Variants in ZNF879 observed in about 807,000 individuals in gnomAD.
ZNF879 encodes zinc finger protein 879.
Under a neutral mutation model 44.3 loss-of-function variants are expected in ZNF879, and 32 were observed. The observed-to-expected ratio is 0.72, with a 90% CI of 0.54 to 0.97. The LOEUF is 0.97. ZNF879 is among the 50% of genes least tolerant of loss of function. The probability of loss-of-function intolerance (pLI) is 0.00; values close to 1 mark genes in which losing one functional copy is unlikely to be tolerated. For synonymous variants in ZNF879, 234 were observed against 233.2 expected (o/e 1.00, Z -0.03); for missense variants, 621 against 669.7 (o/e 0.93, Z 0.80).
rs762196416 is a variant in ZNF879, at chr5:179,032,818, C to T, written c.870C>T (p.Cys290=). The T allele has an allele frequency of 6.4e-7, 1 of 1,554,890 alleles. No individual in the cohort carries two copies. The highest frequency in any genetic ancestry group is 1.4e-5 in the African/African-American group (1 of 73,132). Residue 290 remains cysteine, a synonymous_variant, in exon 5 of 5, where the codon TGC becomes TGT. Transcript: ENST00000444149. ...RMHTGERPYK[C]KECGKTFKGS... is the part of the protein sequence containing the mutation. ...ATACTGGAGAGAGACCTTATAAATG[C>T]AAGGAATGTGGAAAAACATTTAAAG...
At chr5:179,029,047 G>A (rs1761351561) in intron 4 of ZNF879, among the ~76,000 whole-genome samples, 1 of 144,032 alleles carries the variant, frequency 6.9e-6, no homozygotes, top group African/African-American at 2.6e-5. Flanking sequence ...AAAATCAGTT[G>A]TTTTTTTCTC....
chr5:179,033,545 A>G lies in ZNF879; in HGVS notation c.1597A>G (p.Ile533Val), dbSNP rs1186547112. 2 of 1,553,896 alleles carry G rather than the reference A, an allele frequency of 1.3e-6. No individual in the cohort carries two copies. Among genetic ancestry groups the G allele is most frequent in the Non-Finnish European group, 8.7e-7 (1 of 1,148,420 alleles). Residue 533 changes from isoleucine to valine, a missense_variant, in exon 5 of 5, where the codon ATT becomes GTT. Physicochemically the swap from Ile to Val is conservative, Grantham distance 29. Transcript: ENST00000444149. ...TTCATCCCTTATGACACACATGAGA[A>G]TTCATACAGGGGAAAAACCTTATAA... ...QSSSLMTHMR[I>V]HTGEKPYKCK...
chr5:179,031,064 C>T (rs571064148), intron 4 of ZNF879, among the ~76,000 whole-genome samples: 1 of 152,196 alleles, frequency 6.6e-6, no homozygotes. Flanking sequence ...TCACCACATG[C>T]CAGTGTCAGC....
In ZNF879 at chr5:179,034,867, C is replaced by T. The variant is rs1043707093; in HGVS notation, c.*1227C>T. On this transcript the variant is annotated 3_prime_UTR_variant, in exon 5 of 5. Transcript: ENST00000444149. ...GGCAAGCACTTAAGGGCTGAAACGA[C>T]CCATTTCATAAAGTGCTAAGTTTTT... 5.3e-5 allele frequency: 8 copies of T among 152,058 alleles called. No homozygotes were observed. The highest frequency in any genetic ancestry group is 1.9e-4 in the African/African-American group (8 of 41,400). 9.4% of individuals were successfully genotyped at this position (152,058 alleles called of 1,614,324 possible).
rs73806508 is a variant in ZNF879, at chr5:179,029,100, G to T, written c.256+973G>T. 8.8e-3 allele frequency among the ~76,000 whole-genome samples: 588 copies of T among 67,112 alleles called. 5 individuals are homozygous for T. The highest frequency in any genetic ancestry group is 0.024 in the African/African-American group (302 of 12,772). The allele number at this position is 67,112 out of a possible 152,430, so 44.0% of individuals were successfully genotyped here. A position where few individuals can be genotyped will look rare whatever the true frequency, so the allele number is the denominator to read the frequency against. ...TTTTGGATCTAGAATTCTGGCATCT[G>T]TTTTTTTTTTTTTTTTTCCTCTCTG... On this transcript the variant is annotated intron_variant, in intron 4 of 4. Transcript: ENST00000444149.
intron 4 of ZNF879, among the ~76,000 whole-genome samples, chr5:179,028,897 G>A (rs142232952): frequency 6.4e-4 from 98 of 152,270 alleles, no homozygotes; most frequent in African/African-American, 2.1e-3. Context: ...TGGGCAGGGC[G>A]TGGGCTTTCT....
intron 4 of ZNF879, 106 bp downstream of exon 4, chr5:179,028,233 A>G: frequency 1.0e-6 from 1 of 971,066 alleles, no homozygotes; most frequent in African/African-American, 1.6e-5. Flanking sequence ...GCCAGGGGGA[A>G]ATGCTGGGAA....
intron 2 of ZNF879, 77 bp downstream of exon 2, chr5:179,025,114 T>G: frequency 2.0e-6 from 3 of 1,504,906 alleles, no homozygotes; most frequent in Non-Finnish European, 2.7e-6. Context: ...TTGTTGAGCT[T>G]CTCTACCCAG....
chr5:179,024,174 C>T (rs1761192719), intron 1 of ZNF879, among the ~76,000 whole-genome samples: 1 of 152,222 alleles, frequency 6.6e-6, no homozygotes, highest in Non-Finnish European at 1.5e-5. Flanking sequence ...CTGCAAAATG[C>T]CGCCTCGGTT....
chr5:179,024,367 T>C (rs2113039590), intron 1 of ZNF879: 1 of 152,478 alleles, frequency 6.6e-6, no homozygotes, highest in East Asian at 1.9e-4. Context: ...TTATTTACCG[T>C]AACCATGTCC....
intron 2 of ZNF879, among the ~76,000 whole-genome samples, chr5:179,026,445 T>C (rs1276951350): frequency 6.6e-6 from 1 of 152,222 alleles, no homozygotes; most frequent in East Asian, 1.9e-4. Flanking sequence ...CTTATTGATC[T>C]TTTAGAATTT....
At position 179,034,296 on chromosome 5, in the gene ZNF879, C is replaced by G. The variant is rs1581105244; in HGVS notation, c.*656C>G. The G allele has an allele frequency of 6.7e-6, 1 of 149,482 alleles. No homozygotes were observed. Among genetic ancestry groups the G allele is most frequent in the African/African-American group, 2.6e-5 (1 of 38,868 alleles). The allele number at this position is 149,482 out of a possible 1,614,324, so 9.3% of individuals were successfully genotyped here. A position where few individuals can be genotyped will look rare whatever the true frequency, so the allele number is the denominator to read the frequency against. ...AGTCAGATCTAAAGTCACTTTAAGT[C>G]ACAGAACGCATGGTATTTCACTTGT... On this transcript the variant is annotated 3_prime_UTR_variant, in exon 5 of 5. Transcript: ENST00000444149.
In ZNF879 at chr5:179,033,538, C is replaced by T. The variant is rs1234302317; in HGVS notation, c.1590C>T (p.His530=). Residue 530 remains histidine, a synonymous_variant, in exon 5 of 5, where the codon CAC becomes CAT. Transcript: ENST00000444149. Reference sequence around the variant, plus strand: ...GACAGAGTTCATCCCTTATGACACACATGAGAATTCATACAGGGGAAAAAC... The same window carrying T: ...GACAGAGTTCATCCCTTATGACACATATGAGAATTCATACAGGGGAAAAAC... The part of the protein sequence containing the change: ...AFRQSSSLMT[H]MRIHTGEKPY... 3 of 1,554,040 alleles carry T rather than the reference C, an allele frequency of 1.9e-6. No individual in the cohort carries two copies. The African/African-American group carries it at 4.1e-5, about 21-fold the overall frequency.
In ZNF879 at chr5:179,032,633, G is replaced by C; in HGVS notation, c.685G>C (p.Glu229Gln). ...LSKHQRIHTG[E>Q]KLYKCKECRK... Reference sequence around the variant, plus strand: ...TAAACACCAGAGAATCCACACTGGAGAGAAGCTCTATAAATGTAAGGAATG... The same window carrying C: ...TAAACACCAGAGAATCCACACTGGACAGAAGCTCTATAAATGTAAGGAATG... The change falls in exon 5 of 5, where the codon GAG becomes CAG. Residue 229 changes from glutamate (E) to glutamine (Q), a missense_variant. Transcript: ENST00000444149. 1 of 1,568,606 alleles carries C rather than the reference G, an allele frequency of 6.4e-7. No individual in the cohort carries two copies. The highest frequency in any genetic ancestry group is 8.6e-7 in the Non-Finnish European group (1 of 1,156,804).
At chr5:179,031,558 C>T (rs1479576538) in intron 4 of ZNF879, among the ~76,000 whole-genome samples, 2 of 152,206 alleles carry the variant, frequency 1.3e-5, no homozygotes, top group African/African-American at 4.8e-5. Flanking sequence ...CACAGTGCTT[C>T]GTTCGTGTTT....
At position 179,024,952 on chromosome 5, in the gene ZNF879, CT is replaced by C; in HGVS notation, c.-35-12del. ...CAGGCTGGATGAAAAGACCTCACAG[CT>C]TTTTTCTCCATTCCAGGTGCCTTCT... On this transcript the variant is annotated splice_polypyrimidine_tract_variant and intron_variant, in intron 1 of 4. Coordinates refer to ENST00000444149, the MANE Select transcript of ZNF879 (RefSeq NM_001136116.3). 2 of 1,547,136 alleles carry C rather than the reference CT, an allele frequency of 1.3e-6. No homozygotes were observed. Among genetic ancestry groups the C allele is most frequent in the Non-Finnish European group, 1.7e-6 (2 of 1,143,172 alleles).
intron 4 of ZNF879, 48 bp downstream of exon 4, chr5:179,028,175 C>G: frequency 6.6e-7 from 1 of 1,514,754 alleles, no homozygotes; most frequent in Non-Finnish European, 9.0e-7. Flanking sequence ...TTCCCACTGC[C>G]AGGGCACAGC....
At position 179,032,168 on chromosome 5, in the gene ZNF879, G is replaced by C. The variant is rs10516150; in HGVS notation, c.257-37G>C. On this transcript the variant is annotated intron_variant, in intron 4 of 4. Transcript: ENST00000444149. The stretch of plus-strand genomic sequence containing the variant: ...TTTTTATGTCACTTTTTAAAATTCT[G>C]AGTTCAAGAGAGACTTATATGTTTT... The C allele has an allele frequency of 0.25, 345,016 of 1,382,608 alleles. 45,397 individuals carry two copies. Among genetic ancestry groups the C allele is most frequent in the African/African-American group, 0.43 (29,465 of 67,812 alleles). 85.6% of individuals were successfully genotyped at this position (1,382,608 alleles called of 1,614,324 possible). A position where few individuals can be genotyped will look rare whatever the true frequency, so the allele number is the denominator to read the frequency against.
At chr5:179,027,194 T>C (rs1256420983) in intron 2 of ZNF879, among the ~76,000 whole-genome samples, 1 of 152,210 alleles carries the variant, frequency 6.6e-6, no homozygotes, top group East Asian at 1.9e-4. Flanking sequence ...GGGTTTGGTC[T>C]AGGTGATCGG....
Sources: gnomAD v4.1 joint callset for allele counts (sites outside exome capture counted in the v4.1 genomes callset) on GRCh38, gnomAD v4.1.1 for gene constraint, MANE v1.5 for transcripts, NCBI Gene and HGNC (gene_info 2026-07-23, HGNC 2026-07-21) for gene names.